The following FBXO8 variants were observed in gnomAD, a reference collection of about 807,000 sequenced individuals.
The protein encoded by FBXO8 is F-box only protein 8.
FBXO8 carries 15 observed loss-of-function variants against 33.4 expected under a neutral mutation model. The observed-to-expected ratio is 0.45, with a 90% CI of 0.30 to 0.69. The LOEUF (loss-of-function observed/expected upper bound fraction) is 0.69, where lower values mean the gene tolerates loss of function less well. Among genes scored for constraint, FBXO8 ranks in the 30% least tolerant of loss-of-function variants. The probability of loss-of-function intolerance (pLI) is 0.08; values close to 1 mark genes in which losing one functional copy is unlikely to be tolerated. For missense variants in FBXO8, 274 were observed against 380.3 expected, an observed-to-expected ratio of 0.72 and a Z score of 2.32; for synonymous variants, 132 against 131.5, an observed-to-expected ratio of 1.00 and a Z score of -0.02.
At chr4:174,266,366 G>A (rs1365825473) in intron 1 of FBXO8, among the ~76,000 whole-genome samples, 2 of 152,166 alleles carry the variant, frequency 1.3e-5, no homozygotes, top group African/African-American at 4.8e-5. Flanking sequence ...AAACAATACT[G>A]AAAATTGTCC....
At position 174,269,557 on chromosome 4, in the gene FBXO8, C is replaced by G. The variant is rs933228848; in HGVS notation, c.-8-6457G>C. Among the ~76,000 whole-genome samples the G allele has an allele frequency of 3.3e-5, 5 of 151,846 alleles. No homozygotes were observed. The East Asian group carries it at 7.8e-4, about 24-fold the overall frequency. ...CAAATTAGCCTGGCATTGTGGTGCA[C>G]GCCCGTAATCCCAGCTACTGGGAAG... On this transcript the variant is annotated intron_variant, in intron 1 of 5. Coordinates refer to ENST00000393674, the MANE Select transcript of FBXO8 (RefSeq NM_012180.3).
rs1335873995 is a variant in FBXO8, at chr4:174,277,590, G to T, written c.-9+5820C>A. 6.6e-6 allele frequency among the ~76,000 whole-genome samples: 1 copy of T among 152,130 alleles called. No homozygotes were observed. Among genetic ancestry groups the T allele is most frequent in the East Asian group, 1.9e-4 (1 of 5,200 alleles). On this transcript the variant is annotated intron_variant, in intron 1 of 5. Transcript: ENST00000393674. This position sits in a 1 kb window ranked among gnomAD's most constrained non-coding sequence, Gnocchi z 4.9. ...AAAGCATTCTGCTTTAAGTACTTTT[G>T]TTTGAAGCAAACCAATTCCATAAAG...
rs1299541929 is a variant in FBXO8, at chr4:174,238,923, T to C, written c.772+71A>G. ...ATATTTTTCCCCACAGTGAGACAAATGTCTCATATATCTCTGTTTTTACCT... is the reference window on the plus strand; with the variant it reads ...ATATTTTTCCCCACAGTGAGACAAACGTCTCATATATCTCTGTTTTTACCT... On this transcript the variant is annotated intron_variant, in intron 5 of 5. Transcript: ENST00000393674. 9.7e-5 allele frequency: 93 copies of C among 963,562 alleles called. No homozygotes were observed. In the East Asian group the frequency reaches 2.6e-3, roughly 27 times the overall value. 59.7% of individuals were successfully genotyped at this position (963,562 alleles called of 1,614,324 possible).
At chr4:174,273,261 T>G (rs1394680679) in intron 1 of FBXO8, among the ~76,000 whole-genome samples, 1 of 149,250 alleles carries the variant, frequency 6.7e-6, no homozygotes, top group African/African-American at 2.5e-5. Flanking sequence ...CACTCCAACC[T>G]GAGTGACGGA....
At position 174,263,919 on chromosome 4, in the gene FBXO8, T is replaced by TG. The variant is rs376347068; in HGVS notation, c.-8-820dup. Reference sequence around the variant, plus strand: ...TCTGTCACATATATTGACTTCCTCATGTACAAATGTATTAGAAAATTCCTA... The same window carrying TG: ...TCTGTCACATATATTGACTTCCTCATGGTACAAATGTATTAGAAAATTCCTA... On this transcript the variant is annotated intron_variant, in intron 1 of 5. Coordinates refer to ENST00000393674, the MANE Select transcript of FBXO8 (RefSeq NM_012180.3). The surrounding 1 kb of genome is among the most constrained non-coding windows in gnomAD (Gnocchi z 4.2). Among the ~76,000 whole-genome samples, 936 of 152,310 alleles carry TG rather than the reference T, an allele frequency of 6.1e-3. 10 individuals carry two copies. The highest frequency in any genetic ancestry group is 0.022 in the African/African-American group (897 of 41,564).
intron 1 of FBXO8, among the ~76,000 whole-genome samples, chr4:174,280,359 G>C (rs180911988): frequency 6.6e-6 from 1 of 152,106 alleles, no homozygotes; most frequent in East Asian, 1.9e-4. Context: ...TGGAGAAACT[G>C]GAACCCTTAT....
In FBXO8 at chr4:174,239,180, A is replaced by G; in HGVS notation, c.586T>C (p.Leu196=). The G allele has an allele frequency of 6.4e-7, 1 of 1,574,648 alleles. No homozygotes were observed. The highest frequency in any genetic ancestry group is 1.8e-5 in the Admixed American group (1 of 56,050). Residue 196 remains leucine, a synonymous_variant, in exon 5 of 6, where the codon TTG becomes CTG. Coordinates refer to ENST00000393674, the MANE Select transcript of FBXO8 (RefSeq NM_012180.3). ...RIYLDERRDV[L]DDLVTLHNFR... is the part of the protein sequence containing the mutation. Reference sequence around the variant, plus strand: ...TTATGCAATGTTACAAGGTCATCCAAGACATCTCTCCTACAGAAAGAAAAA... The same window carrying G: ...TTATGCAATGTTACAAGGTCATCCAGGACATCTCTCCTACAGAAAGAAAAA...
rs1487505982 is a variant in FBXO8, at chr4:174,274,990, T to C, written c.-9+8420A>G. On this transcript the variant is annotated intron_variant, in intron 1 of 5. Coordinates refer to ENST00000393674, the MANE Select transcript of FBXO8 (RefSeq NM_012180.3). The surrounding 1 kb of genome is among the most constrained non-coding windows in gnomAD (Gnocchi z 4.0). Reference sequence around the variant, plus strand: ...AAAATTTTTGCTCTTTGAAAGTCTATATTTGGAAGATGAAAGGAAAGCCTA... The same window carrying C: ...AAAATTTTTGCTCTTTGAAAGTCTACATTTGGAAGATGAAAGGAAAGCCTA... 6.6e-6 allele frequency among the ~76,000 whole-genome samples: 1 copy of C among 152,210 alleles called. No homozygotes were observed. Among genetic ancestry groups the C allele is most frequent in the African/African-American group, 2.4e-5 (1 of 41,450 alleles).
chr4:174,244,595 T>C (rs1736116368), intron 3 of FBXO8, among the ~76,000 whole-genome samples: 3 of 151,670 alleles, frequency 2.0e-5, no homozygotes, highest in Admixed American at 2.0e-4. Context: ...GTGGGGAGAA[T>C]TCTAAGATAG....
intron 1 of FBXO8, among the ~76,000 whole-genome samples, chr4:174,268,435 G>C (rs1736744485): frequency 2.0e-5 from 3 of 151,992 alleles, no homozygotes; most frequent in Non-Finnish European, 2.9e-5. Context: ...GTTTTGTTTT[G>C]TTTTGTTTTG....
At chr4:174,240,506 C>G (rs148631457) in intron 4 of FBXO8, among the ~76,000 whole-genome samples, 1 of 151,558 alleles carries the variant, frequency 6.6e-6, no homozygotes, top group Non-Finnish European at 1.5e-5. Flanking sequence ...AATGTTGTCC[C>G]CAAATTTATG....
rs1735923517 is a variant in FBXO8, at chr4:174,237,877, A to G, written c.773-278T>C. Among the ~76,000 whole-genome samples, 1 of 152,070 alleles carries G rather than the reference A, an allele frequency of 6.6e-6. No homozygotes were observed. Among genetic ancestry groups the G allele is most frequent in the African/African-American group, 2.4e-5 (1 of 41,444 alleles). ...TCCTTCATTTCAAAAGAACTTTAGAACAGTTTAGGAGTGTATAGTAAAAAT... is the reference window on the plus strand; with the variant it reads ...TCCTTCATTTCAAAAGAACTTTAGAGCAGTTTAGGAGTGTATAGTAAAAAT... On this transcript the variant is annotated intron_variant, in intron 5 of 5. Transcript: ENST00000393674. The surrounding 1 kb of genome is among the most constrained non-coding windows in gnomAD (Gnocchi z 4.4).
chr4:174,241,759 G>T lies in FBXO8; in HGVS notation c.457-541C>A, dbSNP rs975727028. Among the ~76,000 whole-genome samples, 2 of 151,522 alleles carry T rather than the reference G, an allele frequency of 1.3e-5. No homozygotes were observed. Among genetic ancestry groups the T allele is most frequent in the Admixed American group, 6.6e-5 (1 of 15,174 alleles). ...CCAACTCCAAACCAATGTATAGGTT[G>T]TACTACTTTGGCTTTAAACATTGCT... is the stretch of plus-strand genomic sequence containing the variant. On this transcript the variant is annotated intron_variant, in intron 3 of 5. Coordinates refer to ENST00000393674, the MANE Select transcript of FBXO8 (RefSeq NM_012180.3). This position sits in a 1 kb window ranked among gnomAD's most constrained non-coding sequence, Gnocchi z 4.2.
chr4:174,279,011 T>C (rs1198055379), intron 1 of FBXO8, among the ~76,000 whole-genome samples: 2 of 151,980 alleles, frequency 1.3e-5, no homozygotes, highest in Non-Finnish European at 2.9e-5. Context: ...AAACTGGTGT[T>C]CCCTAAGGTC....
chr4:174,239,100 A>G lies in FBXO8; in HGVS notation c.666T>C (p.His222=). ...NALREFFRHI[H]APEERGEYLE... is the part of the protein sequence containing the mutation. ...GATACTCTCCACGCTCTTCAGGGGCATGGATATGACGAAAAAATTCTCTCA... is the reference window on the plus strand; with the variant it reads ...GATACTCTCCACGCTCTTCAGGGGCGTGGATATGACGAAAAAATTCTCTCA... Residue 222 remains histidine (H), a synonymous_variant, in exon 5 of 6, where the codon CAT becomes CAC. Coordinates refer to ENST00000393674, the MANE Select transcript of FBXO8 (RefSeq NM_012180.3). 2.5e-6 allele frequency: 4 copies of G among 1,609,048 alleles called. No homozygotes were observed. The highest frequency in any genetic ancestry group is 3.4e-6 in the Non-Finnish European group (4 of 1,176,948).
chr4:174,263,649 G>T lies in FBXO8; in HGVS notation c.-8-549C>A, dbSNP rs567271692. 6.6e-6 allele frequency among the ~76,000 whole-genome samples: 1 copy of T among 152,204 alleles called. No individual in the cohort carries two copies. Among genetic ancestry groups the T allele is most frequent in the South Asian group, 2.1e-4 (1 of 4,822 alleles). On this transcript the variant is annotated intron_variant, in intron 1 of 5. Coordinates refer to ENST00000393674, the MANE Select transcript of FBXO8 (RefSeq NM_012180.3). This position sits in a 1 kb window ranked among gnomAD's most constrained non-coding sequence, Gnocchi z 4.2. ...TGTAATAAAATGTAACATAGGCCCT[G>T]AAGTCTAATTCAGAAACCTTGTAAA...
At position 174,237,521 on chromosome 4, in the gene FBXO8, G is replaced by C; in HGVS notation, c.851C>G (p.Ser284Ter). The change falls in exon 6 of 6, where the codon TCA becomes TGA. Residue 284 changes from serine (S) to a stop codon, truncating the protein, a stop_gained. Transcript: ENST00000393674. LOFTEE classifies it high-confidence loss of function. This position sits in a 1 kb window ranked among gnomAD's most constrained non-coding sequence, Gnocchi z 4.4. Reference protein sequence around the residue: ...LTSPHVKNKMSKREFIRNTRR... With the variant: ...LTSPHVKNKM ...GGTATTTCGAATAAATTCCCTTTTT[G>C]ACATTTTATTCTTCACATGAGGGCT... 2 of 1,613,626 alleles carry C rather than the reference G, an allele frequency of 1.2e-6. No homozygotes were observed. The highest frequency in any genetic ancestry group is 1.7e-6 in the Non-Finnish European group (2 of 1,179,686).
At chr4:174,264,934 A>C (rs1579032432) in intron 1 of FBXO8, among the ~76,000 whole-genome samples, 1 of 152,162 alleles carries the variant, frequency 6.6e-6, no homozygotes, top group East Asian at 1.9e-4. Flanking sequence ...CAGTAAGAAA[A>C]TAATCCACTT....
chr4:174,280,532 T>C (rs1402520285), intron 1 of FBXO8, among the ~76,000 whole-genome samples: 1 of 152,150 alleles, frequency 6.6e-6, no homozygotes, highest in Non-Finnish European at 1.5e-5. Flanking sequence ...AGATATTTGT[T>C]CACCCATGTT....
Sources: allele counts gnomAD v4.1 joint callset (sites outside exome capture counted in the v4.1 genomes callset), GRCh38; gene constraint gnomAD v4.1.1; non-coding constraint Gnocchi (gnomAD v3.1); transcripts MANE v1.5; gene names NCBI Gene and HGNC (gene_info 2026-07-23, HGNC 2026-07-21).